Variants in NDST4 observed in about 807,000 individuals in gnomAD.
NDST4 encodes the protein N-heparan sulfate sulfotransferase 4.
In NDST4, 63 loss-of-function variants were observed where a neutral mutation model predicts 100.8. The observed-to-expected ratio is 0.62, with a 90% CI of 0.51 to 0.77. NDST4 has a LOEUF of 0.77. NDST4 is among the 30% of genes least tolerant of loss of function. The pLI, the probability that NDST4 is intolerant of heterozygous loss-of-function variation, is 0.00. For synonymous variants in NDST4, 377 were observed against 361.8 expected (o/e 1.04, Z -0.48); for missense variants, 943 against 1,018.4 (o/e 0.93, Z 1.01).
intron 2 of NDST4, among the ~76,000 whole-genome samples, chr4:115,035,355 G>A (rs1728211007): frequency 6.6e-6 from 1 of 152,020 alleles, no homozygotes; most frequent in Non-Finnish European, 1.5e-5. Context: ...CAGAAAACAA[G>A]CGCTATAAAT....
At chr4:115,099,619 G>GT (rs1420307015) in intron 1 of NDST4, among the ~76,000 whole-genome samples, 1 of 152,108 alleles carries the variant, frequency 6.6e-6, no homozygotes, top group African/African-American at 2.4e-5. Flanking sequence ...TGAGATGCCA[G>GT]TACACACCTT....
chr4:114,965,302 C>A (rs1726356078), intron 4 of NDST4, among the ~76,000 whole-genome samples: 1 of 151,946 alleles, frequency 6.6e-6, no homozygotes, highest in Non-Finnish European at 1.5e-5. Context: ...AATTTGTTAT[C>A]ATATTACTTT....
chr4:114,973,875 GGTT>G (rs1726570429), intron 3 of NDST4, among the ~76,000 whole-genome samples: 1 of 151,490 alleles, frequency 6.6e-6, no homozygotes, highest in Non-Finnish European at 1.5e-5. Context: ...AACCTGGCAT[GGTT>G]CCATATATGT....
At chr4:114,840,042 C>T (rs552030342) in intron 10 of NDST4, among the ~76,000 whole-genome samples, 1 of 152,278 alleles carries the variant, frequency 6.6e-6, no homozygotes, top group South Asian at 2.1e-4. Flanking sequence ...ATTACTGCCA[C>T]TCCTTCAGAT....
At position 115,076,824 on chromosome 4, in the gene NDST4, A is replaced by C. The variant is rs763115897; in HGVS notation, c.213T>G (p.Ile71Met). The change falls in exon 2 of 14, where the codon ATT becomes ATG. Residue 71 changes from isoleucine to methionine, a missense_variant. Ile to Met is a conservative substitution (Grantham distance 10). This residue lies in a region of NDST4 where 417 missense variants were observed against 384.2 expected (regional missense o/e 1.09). Transcript: ENST00000264363. Reference sequence around the variant, plus strand: ...CAGTAGGGTCCGTTTTGGATGTGTCAATAGGTTTAACTGTTTTCAGCTCCA... The same window carrying C: ...CAGTAGGGTCCGTTTTGGATGTGTCCATAGGTTTAACTGTTTTCAGCTCCA... ...RSMELKTVKP[I>M]DTSKTDPTVL... The C allele has an allele frequency of 2.2e-5, 35 of 1,613,932 alleles. No homozygotes were observed. The South Asian group carries it at 2.3e-4, about 11-fold the overall frequency.
chr4:115,040,500 C>T (rs1425380697), intron 2 of NDST4, among the ~76,000 whole-genome samples: 1 of 151,512 alleles, frequency 6.6e-6, no homozygotes, highest in African/African-American at 2.4e-5. Context: ...TCTTTGATCA[C>T]CTCTCTGTAT....
At chr4:115,048,284 T>A (rs1192308866) in intron 2 of NDST4, among the ~76,000 whole-genome samples, 1 of 152,124 alleles carries the variant, frequency 6.6e-6, no homozygotes, top group Non-Finnish European at 1.5e-5. Flanking sequence ...TCTGACACAT[T>A]AGTTAGAAAA....
chr4:114,929,978 G>A (rs1473740045), intron 6 of NDST4, among the ~76,000 whole-genome samples: 1 of 152,142 alleles, frequency 6.6e-6, no homozygotes, highest in Non-Finnish European at 1.5e-5. Flanking sequence ...GATGACTAGG[G>A]CAGATATGTG....
At chr4:115,087,738 G>T (rs1729436443) in intron 1 of NDST4, among the ~76,000 whole-genome samples, 1 of 151,656 alleles carries the variant, frequency 6.6e-6, no homozygotes, top group African/African-American at 2.4e-5. Context: ...TTCCTGTTTA[G>T]ATGTAATATT....
intron 2 of NDST4, among the ~76,000 whole-genome samples, chr4:115,060,603 G>A (rs975694104): frequency 6.6e-6 from 1 of 151,920 alleles, no homozygotes; most frequent in Non-Finnish European, 1.5e-5. Flanking sequence ...AATGCAAGGA[G>A]TAATAGGGAA....
chr4:115,032,221 C>G (rs1347232170), intron 2 of NDST4, among the ~76,000 whole-genome samples: 1 of 152,078 alleles, frequency 6.6e-6, no homozygotes, highest in Non-Finnish European at 1.5e-5. Context: ...AGGAAAAATT[C>G]TAATTCTCTA....
intron 2 of NDST4, among the ~76,000 whole-genome samples, chr4:114,977,819 T>C (rs944711722): frequency 2.6e-5 from 4 of 151,972 alleles, no homozygotes; most frequent in Non-Finnish European, 4.4e-5. Flanking sequence ...CTTGCAAACC[T>C]AGTTATGAAA....
intron 7 of NDST4, among the ~76,000 whole-genome samples, chr4:114,867,833 T>G (rs1422809134): frequency 2.6e-5 from 4 of 152,100 alleles, no homozygotes; most frequent in Non-Finnish European, 4.4e-5. Flanking sequence ...GGGGATTGCA[T>G]TTCATATGTG....
At chr4:115,102,254 C>T (rs1368955767) in intron 1 of NDST4, among the ~76,000 whole-genome samples, 1 of 152,082 alleles carries the variant, frequency 6.6e-6, no homozygotes, top group Non-Finnish European at 1.5e-5. Flanking sequence ...ATAAAATGCT[C>T]ATTTGACCCT....
intron 4 of NDST4, among the ~76,000 whole-genome samples, chr4:114,962,575 A>T (rs558050149): frequency 1.1e-3 from 175 of 152,194 alleles, no homozygotes; most frequent in African/African-American, 4.0e-3. Context: ...CATCAAAAAG[A>T]TTAAAATACT....
chr4:114,915,963 C>A (rs561396657), intron 6 of NDST4, among the ~76,000 whole-genome samples: 1 of 152,034 alleles, frequency 6.6e-6, no homozygotes, highest in Non-Finnish European at 1.5e-5. Context: ...GTTTTAAAAT[C>A]AGTTTGAAAA....
At chr4:115,074,321 A>T (rs746727600) in intron 2 of NDST4, among the ~76,000 whole-genome samples, 1 of 152,050 alleles carries the variant, frequency 6.6e-6, no homozygotes, top group African/African-American at 2.4e-5. Flanking sequence ...TCATTTAGAC[A>T]TATAAAGAAC....
chr4:114,875,286 C>G (rs1330064735), intron 6 of NDST4, among the ~76,000 whole-genome samples: 1 of 152,128 alleles, frequency 6.6e-6, no homozygotes, highest in Non-Finnish European at 1.5e-5. Flanking sequence ...TATAACCAAA[C>G]ATAAAACAAG....
At chr4:115,062,239 T>C (rs1728840119) in intron 2 of NDST4, among the ~76,000 whole-genome samples, 1 of 152,062 alleles carries the variant, frequency 6.6e-6, no homozygotes, top group Admixed American at 6.6e-5. Context: ...GCAATTGAAA[T>C]ACTTTTTGAA....
Sources: gnomAD v4.1 joint callset for allele counts (sites outside exome capture counted in the v4.1 genomes callset) on GRCh38, gnomAD v4.1.1 for gene constraint, gnomAD v4.1.1 regional missense constraint, MANE v1.5 for transcripts, NCBI Gene and HGNC (gene_info 2026-07-23, HGNC 2026-07-21) for gene names.